Variants in TXLNG observed in about 807,000 individuals in gnomAD.
TXLNG encodes gamma-taxilin.
TXLNG carries 5 observed loss-of-function variants against 38.8 expected under a neutral mutation model. The ratio of observed to expected loss-of-function variants is 0.13; its 90% CI spans 0.07 to 0.27. TXLNG has a LOEUF of 0.27. Among genes scored for constraint, TXLNG ranks in the 10% least tolerant of loss-of-function variants. TXLNG has a pLI of 1.00. For missense variants in TXLNG, 393 were observed against 398.2 expected (o/e 0.99, Z 0.11); for synonymous variants, 182 against 158.2 (o/e 1.15, Z -1.13).
intron 3 of TXLNG, among the ~76,000 whole-genome samples, chrX:16,823,288 G>A (rs1390690539): frequency 3.7e-5 from 4 of 108,149 alleles, no homozygotes; most frequent in Admixed American, 3.0e-4. Flanking sequence ...GAGAAACCCC[G>A]TCTCTACTAA....
chrX:16,833,505 C>T (rs1464553900), intron 6 of TXLNG, among the ~76,000 whole-genome samples: 2 of 111,933 alleles, frequency 1.8e-5, no homozygotes, highest in Middle Eastern at 4.2e-3. Flanking sequence ...ACACTGAGTG[C>T]ATCTAGGGTT....
In TXLNG at chrX:16,808,585, T is replaced by C. The variant is rs772748681; in HGVS notation, c.103-9989T>C. On this transcript the variant is annotated intron_variant, in intron 1 of 9. Coordinates refer to ENST00000380122, the MANE Select transcript of TXLNG (RefSeq NM_018360.3). Reference sequence around the variant, plus strand: ...ATGTTTCTTTGTGTCCGGCCAGAGATTGGATATACTACTCTGCTCATACAT... The same window carrying C: ...ATGTTTCTTTGTGTCCGGCCAGAGACTGGATATACTACTCTGCTCATACAT... 5.4e-5 allele frequency among the ~76,000 whole-genome samples: 6 copies of C among 111,709 alleles called. No individual in the cohort carries two copies. In the South Asian group the frequency reaches 2.2e-3, roughly 42 times the overall value.
At chrX:16,800,026 G>A (rs1411873769) in intron 1 of TXLNG, among the ~76,000 whole-genome samples, 3 of 105,328 alleles carry the variant, frequency 2.8e-5, no homozygotes, top group East Asian at 3.2e-4. Context: ...TGCAACCACC[G>A]CCTCCGGAGT....
At chrX:16,833,855 T>C (rs1030979836) in intron 6 of TXLNG, among the ~76,000 whole-genome samples, 37 of 112,115 alleles carry the variant, frequency 3.3e-4, no homozygotes, top group African/African-American at 1.2e-3. Flanking sequence ...AAACCAGGTC[T>C]CAAGATTGAT....
chrX:16,840,444 GGAAA>G (rs1414991158), intron 9 of TXLNG: 8 of 752,919 alleles, frequency 1.1e-5, no homozygotes, highest in Admixed American at 8.7e-5. Flanking sequence ...TAACACTTCA[GGAAA>G]GAAAGAAAAC....
In TXLNG at chrX:16,829,755, C is replaced by T. The variant is rs937333880; in HGVS notation, c.849C>T (p.Tyr283=). ...AGCTAAAGAAGCTCATCGAACAGTACGCACTGAGGGAAGAGGTAATGGCAT... is the reference window on the plus strand; with the variant it reads ...AGCTAAAGAAGCTCATCGAACAGTATGCACTGAGGGAAGAGGTAATGGCAT... ...GEKLKKLIEQ[Y]ALREEHIDKV... The change falls in exon 5 of 10, where the codon TAC becomes TAT. Residue 283 remains tyrosine, a synonymous_variant. Transcript: ENST00000380122. 1.7e-5 allele frequency: 21 copies of T among 1,206,061 alleles called. No individual in the cohort carries two copies. Among genetic ancestry groups the T allele is most frequent in the African/African-American group, 1.1e-4 (6 of 57,101 alleles).
chrX:16,806,754 A>G (rs1335689861), intron 1 of TXLNG, among the ~76,000 whole-genome samples: 11 of 109,773 alleles, frequency 1.0e-4, no homozygotes, highest in Non-Finnish European at 1.9e-4. Flanking sequence ...CATCTCTACT[A>G]AAAATACAAA....
intron 7 of TXLNG, among the ~76,000 whole-genome samples, chrX:16,835,615 G>GC (rs1929562263): frequency 1.8e-5 from 2 of 111,732 alleles, no homozygotes; most frequent in Non-Finnish European, 3.8e-5. Context: ...CTTTTACCAA[G>GC]CCCCCAGGCC....
At chrX:16,821,965 G>T (rs1928985895) in intron 3 of TXLNG, among the ~76,000 whole-genome samples, 1 of 109,350 alleles carries the variant, frequency 9.1e-6, no homozygotes, top group Non-Finnish European at 1.9e-5. Context: ...CTGCACTCCA[G>T]CCTGGGCAAC....
chrX:16,824,603 C>T (rs1001433710), intron 3 of TXLNG, among the ~76,000 whole-genome samples: 33 of 109,919 alleles, frequency 3.0e-4, no homozygotes, highest in African/African-American at 1.1e-3. Flanking sequence ...ACTTTGTTTT[C>T]GTCAAAAGAT....
chrX:16,835,939 G>A (rs1156670305), intron 7 of TXLNG, among the ~76,000 whole-genome samples: 3 of 112,376 alleles, frequency 2.7e-5, no homozygotes, highest in African/African-American at 9.7e-5. Flanking sequence ...CTCTCACATG[G>A]GACAGTCTTT....
Position 16,843,167 on chromosome X carries a change from G to C in TXLNG, c.*1401G>C, listed in dbSNP as rs781162660. 12 of 112,515 alleles carry C rather than the reference G, an allele frequency of 1.1e-4. No individual in the cohort carries two copies. The highest frequency in any genetic ancestry group is 2.1e-4 in the Non-Finnish European group (11 of 53,313). The allele number at this position is 112,515 out of a possible 1,213,427, so 9.3% of individuals were successfully genotyped here. ...CACATTCCACTGAGCAAAACTATCA[G>C]ACTGACACTTGTTAAATTGCTTACT... On this transcript the variant is annotated 3_prime_UTR_variant, in exon 10 of 10. Transcript: ENST00000380122.
chrX:16,800,672 C>T (rs1278976058), intron 1 of TXLNG, among the ~76,000 whole-genome samples: 1 of 108,061 alleles, frequency 9.3e-6, no homozygotes, highest in African/African-American at 3.4e-5. Context: ...TTAAGCGATT[C>T]TCCTGTCTCA....
chrX:16,828,251 A>G lies in TXLNG; in HGVS notation c.656A>G (p.Asn219Ser). 3 of 1,200,331 alleles carry G rather than the reference A, an allele frequency of 2.5e-6. No individual in the cohort carries two copies. Among genetic ancestry groups the G allele is most frequent in the Non-Finnish European group, 3.4e-6 (3 of 889,426 alleles). Reference protein sequence around the residue: ...ESLCRELQRHNKTLKEENMQQ... With the variant: ...ESLCRELQRHSKTLKEENMQQ... The stretch of plus-strand genomic sequence containing the variant: ...CTTTGCAGAGAACTTCAGCGTCACA[A>G]TAAGACGTTAAAGGTTAGTTGCTTC... Residue 219 changes from asparagine (N) to serine (S), a missense_variant, in exon 4 of 10, where the codon AAT becomes AGT. Physicochemically the swap from Asn to Ser is conservative, Grantham distance 46. Transcript: ENST00000380122.
In TXLNG at chrX:16,842,899, ATC is replaced by A. The variant is rs1438749926; in HGVS notation, c.*1137_*1138del. 8.9e-6 allele frequency: 1 copy of A among 111,913 alleles called. No homozygotes were observed. Among genetic ancestry groups the A allele is most frequent in the Non-Finnish European group, 1.9e-5 (1 of 53,177 alleles). 9.2% of individuals were successfully genotyped at this position (111,913 alleles called of 1,213,427 possible). On this transcript the variant is annotated 3_prime_UTR_variant, in exon 10 of 10. Coordinates refer to ENST00000380122, the MANE Select transcript of TXLNG (RefSeq NM_018360.3). ...TTTTCTCACCCCCTTCTTAGTTACC[ATC>A]TCTTTTTTAAGAAGAAAAAAGAAAA...
At chrX:16,839,941 G>A (rs754900316) in intron 9 of TXLNG, 25 bp downstream of exon 9, 1 of 1,106,756 alleles carries the variant, frequency 9.0e-7, no homozygotes, top group Non-Finnish European at 1.2e-6. Context: ...TGCGACTAAG[G>A]TGTAGTCTTA....
At chrX:16,823,441 A>G (rs1391381004) in intron 3 of TXLNG, among the ~76,000 whole-genome samples, 4 of 95,437 alleles carry the variant, frequency 4.2e-5, no homozygotes, top group African/African-American at 1.6e-4. Flanking sequence ...CTAGGCAACA[A>G]GAGTGAAACT....
chrX:16,835,638 A>G (rs1224437944), intron 7 of TXLNG, among the ~76,000 whole-genome samples: 3 of 111,831 alleles, frequency 2.7e-5, no homozygotes, highest in African/African-American at 6.5e-5. Context: ...CTCCAATTCT[A>G]TTGTACTGTC....
At chrX:16,798,473 T>C (rs1014992271) in intron 1 of TXLNG, among the ~76,000 whole-genome samples, 8 of 112,134 alleles carry the variant, frequency 7.1e-5, no homozygotes, top group African/African-American at 2.6e-4. Flanking sequence ...CCATAGTTTG[T>C]CTATTTAAAA....
Sources: gnomAD v4.1 joint callset for allele counts (sites outside exome capture counted in the v4.1 genomes callset) on GRCh38, gnomAD v4.1.1 for gene constraint, MANE v1.5 for transcripts, NCBI Gene and HGNC (gene_info 2026-07-23, HGNC 2026-07-21) for gene names.